Variants in AK8 observed in about 807,000 individuals in gnomAD.
The protein encoded by AK8 is ATP-AMP transphosphorylase 8.
AK8 carries 44 observed loss-of-function variants against 54.6 expected under a neutral mutation model. The ratio of observed to expected loss-of-function variants is 0.81; its 90% confidence interval spans 0.63 to 1.04. AK8 has a LOEUF of 1.04. AK8 is among the 50% of genes least tolerant of loss of function. The probability of loss-of-function intolerance (pLI) is 0.00; values close to 1 mark genes in which losing one functional copy is unlikely to be tolerated. For synonymous variants in AK8, 239 were observed against 245.6 expected, an observed-to-expected ratio of 0.97 and a Z score of 0.25; for missense variants, 555 against 613.6, an observed-to-expected ratio of 0.90 and a Z score of 1.01.
chr9:132,850,325 G>A (rs530145061), intron 5 of AK8, among the ~76,000 whole-genome samples: 3 of 139,012 alleles, frequency 2.2e-5, no homozygotes, highest in Non-Finnish European at 3.1e-5. Flanking sequence ...GAGTCGTTGC[G>A]ATAGAAGCCT....
At chr9:132,777,905 C>T (rs1839294771) in intron 11 of AK8, among the ~76,000 whole-genome samples, 1 of 152,362 alleles carries the variant, frequency 6.6e-6, no homozygotes, top group Non-Finnish European at 1.5e-5. Context: ...TCCACCGACA[C>T]TGTGGAAACA....
chr9:132,749,070 C>T (rs1007714830), intron 11 of AK8, among the ~76,000 whole-genome samples: 1 of 151,912 alleles, frequency 6.6e-6, no homozygotes, highest in Non-Finnish European at 1.5e-5. Flanking sequence ...AGACGGGTTT[C>T]ACCATGTTGG....
intron 11 of AK8, among the ~76,000 whole-genome samples, chr9:132,733,373 G>T (rs772310130): frequency 3.9e-5 from 6 of 152,222 alleles, no homozygotes; most frequent in Admixed American, 3.3e-4. Context: ...CGGCTGTCAC[G>T]GCGGCTGGCG....
chr9:132,804,351 G>A (rs980477345), intron 10 of AK8, among the ~76,000 whole-genome samples: 10 of 152,146 alleles, frequency 6.6e-5, no homozygotes, highest in Admixed American at 5.2e-4. Context: ...AGCAGACAGC[G>A]TGAGCAGAAA....
At chr9:132,773,789 C>G (rs1363270206) in intron 11 of AK8, among the ~76,000 whole-genome samples, 1 of 152,162 alleles carries the variant, frequency 6.6e-6, no homozygotes, top group African/African-American at 2.4e-5. Context: ...TATGTAAAGT[C>G]TTATGGAGGT....
At chr9:132,802,504 G>A (rs1840508988) in intron 10 of AK8, among the ~76,000 whole-genome samples, 1 of 152,178 alleles carries the variant, frequency 6.6e-6, no homozygotes, top group Admixed American at 6.5e-5. Flanking sequence ...TGGAGTGCTT[G>A]TGCCAGGAGC....
chr9:132,825,629 C>T (rs113367543), intron 8 of AK8, among the ~76,000 whole-genome samples: 3 of 152,078 alleles, frequency 2.0e-5, no homozygotes, highest in Non-Finnish European at 2.9e-5. Context: ...CTTCAGAGGG[C>T]GAGGCTGTTC....
intron 11 of AK8, among the ~76,000 whole-genome samples, chr9:132,782,930 C>T (rs1004630843): frequency 2.6e-5 from 4 of 152,166 alleles, no homozygotes; most frequent in African/African-American, 9.7e-5. Context: ...AGCCCAAACT[C>T]TAGGGATATA....
intron 11 of AK8, among the ~76,000 whole-genome samples, chr9:132,738,469 A>C (rs529665154): frequency 6.6e-6 from 1 of 152,266 alleles, no homozygotes; most frequent in South Asian, 2.1e-4. Context: ...TTTTCTGTTG[A>C]TCGGTACAAT....
chr9:132,869,625 C>T (rs1030578703), intron 2 of AK8, among the ~76,000 whole-genome samples: 1 of 152,250 alleles, frequency 6.6e-6, no homozygotes, highest in African/African-American at 2.4e-5. Flanking sequence ...CTGTTCTAGG[C>T]CTGTGGCCTG....
chr9:132,842,545 G>T (rs1404306964), intron 5 of AK8, among the ~76,000 whole-genome samples: 1 of 152,224 alleles, frequency 6.6e-6, no homozygotes, highest in Non-Finnish European at 1.5e-5. Context: ...TTGAAGCTGA[G>T]GCTGAGGAAT....
In AK8 at chr9:132,828,834, C is replaced by CA. The variant is rs558399648; in HGVS notation, c.403-109dup. 2.3e-4 allele frequency: 187 copies of CA among 815,356 alleles called. 1 individual carries two copies. In the East Asian group the frequency reaches 2.8e-3, roughly 12 times the overall value. 50.5% of individuals were successfully genotyped at this position (815,356 alleles called of 1,614,324 possible). A position where few individuals can be genotyped will look rare whatever the true frequency, so the allele number is the denominator to read the frequency against. ...TATAGAAAGACTAGAACTTTTAAGACAAAAAAAATGTTTCTGATAGCTACC... is the reference window on the plus strand; with the variant it reads ...TATAGAAAGACTAGAACTTTTAAGACAAAAAAAAATGTTTCTGATAGCTACC... On this transcript the variant is annotated intron_variant, in intron 5 of 12. Coordinates refer to ENST00000298545, the MANE Select transcript of AK8 (RefSeq NM_152572.3).
intron 5 of AK8, among the ~76,000 whole-genome samples, chr9:132,843,128 G>A: frequency 6.6e-6 from 1 of 152,190 alleles, no homozygotes; most frequent in South Asian, 2.1e-4. Context: ...TTGGATATGT[G>A]TCCCCACCCA....
intron 3 of AK8, among the ~76,000 whole-genome samples, chr9:132,865,784 A>G (rs112843949): frequency 1.3e-3 from 191 of 147,908 alleles, no homozygotes; most frequent in African/African-American, 3.5e-3. Context: ...CTGCACTCCA[A>G]CCTAGCAACA....
intron 11 of AK8, among the ~76,000 whole-genome samples, chr9:132,757,921 C>T (rs958550317): frequency 6.6e-6 from 1 of 152,194 alleles, no homozygotes; most frequent in Non-Finnish European, 1.5e-5. Flanking sequence ...AGCTTGAGCA[C>T]GAGGAGGGCA....
chr9:132,792,822 T>G (rs1207430316), intron 10 of AK8, 47 bp from the exon 11 acceptor site: 1 of 1,533,908 alleles, frequency 6.5e-7, no homozygotes. Context: ...CGGCAGCCCA[T>G]GGGTCCTGGG....
chr9:132,853,814 C>G (rs1200944118), intron 5 of AK8, among the ~76,000 whole-genome samples: 1 of 100,582 alleles, frequency 9.9e-6, no homozygotes, highest in Non-Finnish European at 2.2e-5. Context: ...AAAAAGTAAA[C>G]AGAGTGCTAG....
At chr9:132,824,122 C>T (rs1025910127) in intron 8 of AK8, among the ~76,000 whole-genome samples, 4 of 152,202 alleles carry the variant, frequency 2.6e-5, no homozygotes, top group African/African-American at 9.7e-5. Context: ...AGCTACTGAA[C>T]ATCAAACCAG....
chr9:132,762,863 C>T (rs576040434), intron 11 of AK8, among the ~76,000 whole-genome samples: 1 of 151,920 alleles, frequency 6.6e-6, no homozygotes, highest in Non-Finnish European at 1.5e-5. Context: ...GGTGACAGAG[C>T]GAGACTCTAT....
Sources: allele counts gnomAD v4.1 joint callset (sites outside exome capture counted in the v4.1 genomes callset), GRCh38; gene constraint gnomAD v4.1.1; transcripts MANE v1.5; gene names NCBI Gene and HGNC (gene_info 2026-07-23, HGNC 2026-07-21).